Variants in DRC11 observed in about 807,000 individuals in gnomAD.
DRC11 encodes the protein dynein regulatory complex subunit 11, also known as IQ and AAA domain-containing protein 1.
At chr2:236,487,988 C>G in the DRC11 span, 1 of 1,544,744 alleles carries the variant, frequency 6.5e-7, no homozygotes. Context: ...TCCAGGAGCC[C>G]TAGGTTTGCA....
the DRC11 span, among the ~76,000 whole-genome samples, chr2:236,407,514 G>A: frequency 6.6e-6 from 1 of 152,058 alleles, no homozygotes; most frequent in African/African-American, 2.4e-5. Flanking sequence ...CATAACCAAA[G>A]GAACCAATAC....
the DRC11 span, among the ~76,000 whole-genome samples, chr2:236,443,676 G>T: frequency 6.6e-6 from 1 of 152,160 alleles, no homozygotes. This position sits in a 1 kb window ranked among gnomAD's most constrained non-coding sequence, Gnocchi z 4.4. Context: ...GTGCTGCAAT[G>T]AACATATGCG....
chr2:236,372,726 C>T, the DRC11 span, among the ~76,000 whole-genome samples: 3 of 152,320 alleles, frequency 2.0e-5, no homozygotes, highest in African/African-American at 7.2e-5. This position sits in a 1 kb window ranked among gnomAD's most constrained non-coding sequence, Gnocchi z 4.5. Context: ...CCTCCTGCCT[C>T]AGCCTGCTAA....
the DRC11 span, among the ~76,000 whole-genome samples, chr2:236,491,205 TATATATAC>T: frequency 2.0e-4 from 12 of 59,334 alleles, 1 homozygote; most frequent in Non-Finnish European, 3.8e-4. Flanking sequence ...TATATATATA[TATATATAC>T]ACACAGTATA....
At chr2:236,416,383 G>A in the DRC11 span, among the ~76,000 whole-genome samples, 1 of 152,044 alleles carries the variant, frequency 6.6e-6, no homozygotes, top group East Asian at 1.9e-4. Flanking sequence ...TTAGCTGTGA[G>A]TGTCAGCACT....
the DRC11 span, among the ~76,000 whole-genome samples, chr2:236,462,347 G>T: frequency 6.6e-6 from 1 of 151,980 alleles, no homozygotes; most frequent in African/African-American, 2.4e-5. The surrounding 1 kb of genome is among the most constrained non-coding windows in gnomAD (Gnocchi z 6.4). Context: ...CAGGTGGGCC[G>T]TACCAGTGCA....
At chr2:236,502,650 A>G in the DRC11 span, among the ~76,000 whole-genome samples, 1 of 151,944 alleles carries the variant, frequency 6.6e-6, no homozygotes, top group African/African-American at 2.4e-5. Context: ...CAGCACCAAT[A>G]AAGAACAATA....
the DRC11 span, chr2:236,441,274 G>A: frequency 0.025 from 15,646 of 621,210 alleles, 278 homozygotes; most frequent in Middle Eastern, 0.041. Flanking sequence ...GTGTCTTGAA[G>A]AAACTGAAGG....
chr2:236,344,509 C>T, the DRC11 span: 6 of 1,396,894 alleles, frequency 4.3e-6, no homozygotes, highest in African/African-American at 8.5e-5. Context: ...GTAAGGGCCT[C>T]CTTTGGAGGA....
chr2:236,471,530 T>C, the DRC11 span, among the ~76,000 whole-genome samples: 5 of 152,248 alleles, frequency 3.3e-5, no homozygotes, highest in Non-Finnish European at 5.9e-5. This position sits in a 1 kb window ranked among gnomAD's most constrained non-coding sequence, Gnocchi z 4.6. Flanking sequence ...TTATGAATGA[T>C]GTGAGCATCT....
the DRC11 span, among the ~76,000 whole-genome samples, chr2:236,411,955 G>A: frequency 6.7e-6 from 1 of 150,322 alleles, no homozygotes; most frequent in Non-Finnish European, 1.5e-5. Flanking sequence ...TAGATGACGA[G>A]TTAGTGGGTG....
chr2:236,452,360 G>A, the DRC11 span, among the ~76,000 whole-genome samples: 1 of 152,322 alleles, frequency 6.6e-6, no homozygotes, highest in East Asian at 1.9e-4. This position sits in a 1 kb window ranked among gnomAD's most constrained non-coding sequence, Gnocchi z 4.7. Flanking sequence ...TCACAGGACA[G>A]AGATTTATCT....
At chr2:236,341,236 A>G in the DRC11 span, among the ~76,000 whole-genome samples, 2 of 152,242 alleles carry the variant, frequency 1.3e-5, no homozygotes, top group African/African-American at 4.8e-5. Context: ...TAGATGAAGT[A>G]ACAAAGGGTA....
the DRC11 span, among the ~76,000 whole-genome samples, chr2:236,485,219 A>G: frequency 6.6e-6 from 1 of 152,036 alleles, no homozygotes; most frequent in African/African-American, 2.4e-5. Flanking sequence ...TATACTGTGT[A>G]TATGACTACA....
the DRC11 span, among the ~76,000 whole-genome samples, chr2:236,495,917 T>C: frequency 6.6e-6 from 1 of 152,196 alleles, no homozygotes. This position sits in a 1 kb window ranked among gnomAD's most constrained non-coding sequence, Gnocchi z 5.6. Context: ...AGGAAGATGA[T>C]GTCCCTGGAG....
chr2:236,491,161 A>ATATATATATATATATACACAG, the DRC11 span, among the ~76,000 whole-genome samples: 35 of 51,478 alleles, frequency 6.8e-4, 2 homozygotes, highest in African/African-American at 1.8e-3. Flanking sequence ...TACACACAGT[A>ATATATATATATATATACACAG]TATATATATA....
At chr2:236,507,157 GA>G in the DRC11 span, 1 of 1,282,212 alleles carries the variant, frequency 7.8e-7, no homozygotes, top group South Asian at 1.2e-5. Flanking sequence ...GAGGGGAGGA[GA>G]AAAGAAAAGA....
the DRC11 span, among the ~76,000 whole-genome samples, chr2:236,311,705 T>C: frequency 2.9e-3 from 435 of 150,696 alleles, 4 homozygotes; most frequent in African/African-American, 0.01. The surrounding 1 kb of genome is among the most constrained non-coding windows in gnomAD (Gnocchi z 6.9). Context: ...TGCGTGTGTG[T>C]GTGTGTGTGT....
the DRC11 span, chr2:236,503,555 G>A: frequency 2.3e-5 from 31 of 1,345,540 alleles, no homozygotes; most frequent in African/African-American, 4.2e-4. This position sits in a 1 kb window ranked among gnomAD's most constrained non-coding sequence, Gnocchi z 4.9. Context: ...TCCCTGTCTG[G>A]GGGAGACCAG....
Sources: allele counts gnomAD v4.1 joint callset (sites outside exome capture counted in the v4.1 genomes callset), GRCh38; gene constraint gnomAD v4.1.1; non-coding constraint Gnocchi (gnomAD v3.1); transcripts MANE v1.5; gene names NCBI Gene and HGNC (gene_info 2026-07-23, HGNC 2026-07-21).